The following TNNI3K variants were observed in gnomAD, a reference collection of about 807,000 sequenced individuals.
TNNI3K encodes serine/threonine-protein kinase TNNI3K.
TNNI3K carries 140 observed loss-of-function variants against 114.5 expected under a neutral mutation model. That is an observed-to-expected ratio of 1.22 (90% CI 1.07 to 1.41). The LOEUF is 1.41. Ranked by LOEUF, TNNI3K falls within the 40% of genes most tolerant of loss-of-function variation. The pLI is 0.00. For synonymous variants in TNNI3K, 347 were observed against 347.5 expected (o/e 1.00, Z 0.02); for missense variants, 1,125 against 1,007.6 (o/e 1.12, Z -1.58).
At chr1:74,395,001 G>A (rs1467800766) in intron 17 of TNNI3K, among the ~76,000 whole-genome samples, 6 of 149,944 alleles carry the variant, frequency 4.0e-5, no homozygotes, top group South Asian at 2.1e-4. Context: ...CCGAGATCGC[G>A]CCACTGCACT....
At chr1:74,312,283 C>G (rs1659038314) in intron 5 of TNNI3K, among the ~76,000 whole-genome samples, 1 of 152,182 alleles carries the variant, frequency 6.6e-6, no homozygotes, top group South Asian at 2.1e-4. Flanking sequence ...CCAAAGAGGG[C>G]AGTGCCTGGA....
At chr1:74,390,746 A>G (rs961121837) in intron 17 of TNNI3K, among the ~76,000 whole-genome samples, 3 of 152,104 alleles carry the variant, frequency 2.0e-5, no homozygotes, top group African/African-American at 7.2e-5. Context: ...AGTGCTGTAA[A>G]ATGTATAGAT....
In TNNI3K at chr1:74,271,695, C is replaced by T. The variant is rs201468288; in HGVS notation, c.431C>T (p.Ala144Val). The part of the protein sequence containing the change: ...GLTALHIATI[A>V]GHLEAADVLL... Reference sequence around the variant, plus strand: ...ACTGCCCTCCATATTGCTACAATAGCTGGCCACCTAGAGGTAAGTCATGCC... The same window carrying T: ...ACTGCCCTCCATATTGCTACAATAGTTGGCCACCTAGAGGTAAGTCATGCC... Residue 144 changes from alanine to valine, a missense_variant, in exon 5 of 25, where the codon GCT becomes GTT. Coordinates refer to ENST00000326637, the MANE Select transcript of TNNI3K (RefSeq NM_015978.3). 26 of 1,606,870 alleles carry T rather than the reference C, an allele frequency of 1.6e-5. No individual in the cohort carries two copies. The highest frequency in any genetic ancestry group is 2.1e-5 in the Non-Finnish European group (25 of 1,176,002).
chr1:74,411,116 G>A (rs775898264), intron 17 of TNNI3K, among the ~76,000 whole-genome samples: 2 of 152,112 alleles, frequency 1.3e-5, no homozygotes, highest in Non-Finnish European at 2.9e-5. Context: ...AAAATGCACA[G>A]CATCACTGGT....
intron 9 of TNNI3K, chr1:74,346,198 G>A (rs1289682149): frequency 1.3e-5 from 2 of 152,130 alleles, no homozygotes; most frequent in Non-Finnish European, 2.9e-5. Context: ...GTTTGTGTGT[G>A]GCAGAATTCT....
rs150243710 is a variant in TNNI3K, at chr1:74,394,685, G to C, written c.1772+24293G>C. Among the ~76,000 whole-genome samples the C allele has an allele frequency of 2.5e-3, 384 of 152,304 alleles. 8 individuals are homozygous for C. The East Asian group carries it at 0.061, about 24-fold the overall frequency. On this transcript the variant is annotated intron_variant, in intron 17 of 24. Transcript: ENST00000326637. Reference sequence around the variant, plus strand: ...AGGTCGTAAGTCAAATACTTGAAAAGCCTCTGAGCTAAATAGGATTGCAAT... The same window carrying C: ...AGGTCGTAAGTCAAATACTTGAAAACCCTCTGAGCTAAATAGGATTGCAAT...
chr1:74,372,000 G>T (rs893903134), intron 17 of TNNI3K: 15 of 149,902 alleles, frequency 1.0e-4, no homozygotes, highest in African/African-American at 3.7e-4. Flanking sequence ...GTTTATTCAA[G>T]CTCAAAGCTT....
intron 5 of TNNI3K, among the ~76,000 whole-genome samples, chr1:74,314,878 G>T (rs1403096450): frequency 1.3e-5 from 2 of 151,992 alleles, no homozygotes; most frequent in African/African-American, 2.4e-5. Context: ...AAAATGATTT[G>T]AGTCATTTAT....
intron 20 of TNNI3K, among the ~76,000 whole-genome samples, chr1:74,454,068 ATTCT>A (rs1222920058): frequency 6.6e-6 from 1 of 151,956 alleles, no homozygotes; most frequent in Non-Finnish European, 1.5e-5. Context: ...TTTATTCTTA[ATTCT>A]TTCTTTTATG....
intron 20 of TNNI3K, among the ~76,000 whole-genome samples, chr1:74,446,630 AAT>A (rs1368880897): frequency 5.3e-5 from 8 of 150,472 alleles, no homozygotes; most frequent in African/African-American, 1.8e-4. Flanking sequence ...CTATGTCCTG[AAT>A]GGTAATGCCA....
intron 17 of TNNI3K, among the ~76,000 whole-genome samples, chr1:74,419,798 T>C (rs1665307763): frequency 6.6e-6 from 1 of 152,108 alleles, no homozygotes; most frequent in African/African-American, 2.4e-5. Context: ...CAAATGAAAA[T>C]TGCTGACAAA....
chr1:74,347,035 A>C (rs1042655163), intron 9 of TNNI3K, among the ~76,000 whole-genome samples: 1 of 151,930 alleles, frequency 6.6e-6, no homozygotes, highest in East Asian at 1.9e-4. Context: ...GTTTTAGGGT[A>C]CATGTGCACA....
intron 17 of TNNI3K, among the ~76,000 whole-genome samples, chr1:74,411,826 A>T (rs1432220241): frequency 1.3e-5 from 2 of 152,174 alleles, no homozygotes; most frequent in African/African-American, 4.8e-5. Context: ...GAGACAGTGA[A>T]TTTGAATCTT....
In TNNI3K at chr1:74,256,459, A is replaced by G. The variant is rs528407527; in HGVS notation, c.333+5690A>G. 4.6e-5 allele frequency among the ~76,000 whole-genome samples: 7 copies of G among 151,564 alleles called. No individual in the cohort carries two copies. In the South Asian group the frequency reaches 1.5e-3, roughly 31 times the overall value. On this transcript the variant is annotated intron_variant, in intron 4 of 24. Transcript: ENST00000326637. ...GTAGTGTCTGTTAAATCTTTTTGCC[A>G]TTTGTAATTTTGTTTATTATTTTCT...
chr1:74,304,931 CTT>C (rs1483036867), intron 5 of TNNI3K, among the ~76,000 whole-genome samples: 1 of 152,088 alleles, frequency 6.6e-6, no homozygotes, highest in Non-Finnish European at 1.5e-5. Context: ...CCTGAAATAT[CTT>C]TTAGGTATGC....
intron 17 of TNNI3K, chr1:74,375,823 G>A (rs1005153845): frequency 2.7e-5 from 7 of 257,568 alleles, no homozygotes; most frequent in Non-Finnish European, 4.9e-5. Context: ...CTGGCTGTGC[G>A]TGAATTAAAC....
At position 74,271,726 on chromosome 1, in the gene TNNI3K, C is replaced by T; in HGVS notation, c.444+18C>T. The T allele has an allele frequency of 6.3e-7, 1 of 1,588,596 alleles. No homozygotes were observed. Among genetic ancestry groups the T allele is most frequent in the South Asian group, 1.1e-5 (1 of 87,908 alleles). On this transcript the variant is annotated intron_variant, in intron 5 of 24. Coordinates refer to ENST00000326637, the MANE Select transcript of TNNI3K (RefSeq NM_015978.3). The stretch of plus-strand genomic sequence containing the variant: ...ACCTAGAGGTAAGTCATGCCTTTGG[C>T]ACCTGTGAAAACAAAGGTTATTTAC...
chr1:74,438,251 C>G (rs1053141495), intron 19 of TNNI3K, among the ~76,000 whole-genome samples: 5 of 151,778 alleles, frequency 3.3e-5, no homozygotes, highest in African/African-American at 1.2e-4. Flanking sequence ...TGACACAATG[C>G]ATAATCTGCT....
intron 2 of TNNI3K, among the ~76,000 whole-genome samples, chr1:74,243,929 C>T (rs1385364130): frequency 6.6e-6 from 1 of 151,994 alleles, no homozygotes; most frequent in Non-Finnish European, 1.5e-5. Context: ...ATAAATTGAG[C>T]TTAGGGTATT....
Sources: gnomAD v4.1 joint callset for allele counts (sites outside exome capture counted in the v4.1 genomes callset) on GRCh38, gnomAD v4.1.1 for gene constraint, MANE v1.5 for transcripts, NCBI Gene and HGNC (gene_info 2026-07-23, HGNC 2026-07-21) for gene names.